TBL1XR1: variants seen among roughly 807,000 people sequenced by gnomAD.
The protein encoded by TBL1XR1 is TBL1X/Y related 1.
TBL1XR1 carries 5 observed loss-of-function variants against 66.9 expected under a neutral mutation model. The observed-to-expected ratio is 0.07, with a 90% CI of 0.04 to 0.16. TBL1XR1 has a LOEUF of 0.16. Among genes scored for constraint, TBL1XR1 ranks in the 10% least tolerant of loss-of-function variants. TBL1XR1 has a pLI of 1.00. For synonymous variants in TBL1XR1, 210 were observed against 206.0 expected, an observed-to-expected ratio of 1.02 and a Z score of -0.17; for missense variants, 238 against 623.2, an observed-to-expected ratio of 0.38 and a Z score of 6.58.
At chr3:177,149,009 AAAAG>A (rs372195565) in intron 1 of TBL1XR1, among the ~76,000 whole-genome samples, 1 of 57,676 alleles carries the variant, frequency 1.7e-5, no homozygotes, top group South Asian at 4.6e-4. Context: ...CCCTCAAAAA[AAAAG>A]AAAAGAAAAG....
intron 5 of TBL1XR1, among the ~76,000 whole-genome samples, chr3:177,050,881 A>T (rs1451504062): frequency 1.3e-5 from 2 of 152,036 alleles, no homozygotes; most frequent in East Asian, 3.9e-4. Context: ...CTAAACATGG[A>T]TAAAACGATA....
At chr3:177,028,348 G>A (rs1713452637) in intron 14 of TBL1XR1, among the ~76,000 whole-genome samples, 1 of 152,224 alleles carries the variant, frequency 6.6e-6, no homozygotes, top group Admixed American at 6.5e-5. Flanking sequence ...AATATGAACA[G>A]TTGGTCAAAT....
chr3:177,066,415 T>C (rs1719172810), intron 2 of TBL1XR1, among the ~76,000 whole-genome samples: 1 of 151,828 alleles, frequency 6.6e-6, no homozygotes, highest in Non-Finnish European at 1.5e-5. Flanking sequence ...AAAACAAGGG[T>C]GCTTGGGGAA....
chr3:177,024,907 A>G lies in TBL1XR1; in HGVS notation c.*591T>C, dbSNP rs1443053271. 1 of 152,612 alleles carries G rather than the reference A, an allele frequency of 6.6e-6. No individual in the cohort carries two copies. The highest frequency in any genetic ancestry group is 1.9e-4 in the East Asian group (1 of 5,198). 9.5% of individuals were successfully genotyped at this position (152,612 alleles called of 1,614,324 possible). ...AATGTACCAAACATCTACCTCTTCA[A>G]AAGAATGCATTAAAATATTTTAAAG... is the stretch of plus-strand genomic sequence containing the variant. On this transcript the variant is annotated 3_prime_UTR_variant, in exon 16 of 16. Transcript: ENST00000457928.
At chr3:177,115,912 T>C (rs1020007378) in intron 1 of TBL1XR1, among the ~76,000 whole-genome samples, 2 of 152,136 alleles carry the variant, frequency 1.3e-5, no homozygotes, top group African/African-American at 2.4e-5. Flanking sequence ...GAGGCAGCCA[T>C]ATTGATCAGT....
chr3:177,071,705 T>C (rs889978785), intron 2 of TBL1XR1, among the ~76,000 whole-genome samples: 14 of 152,180 alleles, frequency 9.2e-5, no homozygotes, highest in South Asian at 2.1e-4. Flanking sequence ...ACTCAGCTAA[T>C]AGATTGACAC....
intron 1 of TBL1XR1, among the ~76,000 whole-genome samples, chr3:177,193,460 G>A (rs760576783): frequency 3.3e-5 from 5 of 151,876 alleles, no homozygotes; most frequent in Admixed American, 6.6e-5. Flanking sequence ...ACAGGTACCC[G>A]CCACCACGCC....
intron 1 of TBL1XR1, among the ~76,000 whole-genome samples, chr3:177,149,539 T>G (rs1730639147): frequency 6.6e-6 from 1 of 152,218 alleles, no homozygotes; most frequent in Non-Finnish European, 1.5e-5. Context: ...TTAACTAATT[T>G]TGTATTATAC....
chr3:177,077,129 T>G (rs763645706), intron 2 of TBL1XR1, among the ~76,000 whole-genome samples: 13 of 152,190 alleles, frequency 8.5e-5, no homozygotes, highest in Non-Finnish European at 1.8e-4. Context: ...TGTAAACCAG[T>G]AAAACTGTCT....
At chr3:177,157,381 C>G (rs1457756533) in intron 1 of TBL1XR1, among the ~76,000 whole-genome samples, 1 of 152,184 alleles carries the variant, frequency 6.6e-6, no homozygotes, top group Non-Finnish European at 1.5e-5. Flanking sequence ...GTCATTAGTC[C>G]TATCACCCTC....
At chr3:177,104,926 C>A (rs996306279) in intron 1 of TBL1XR1, among the ~76,000 whole-genome samples, 2 of 152,148 alleles carry the variant, frequency 1.3e-5, no homozygotes, top group African/African-American at 4.8e-5. Context: ...AAGACAACAG[C>A]ACAAACTCTC....
At chr3:177,028,664 C>T (rs1045820814) in intron 14 of TBL1XR1, among the ~76,000 whole-genome samples, 8 of 152,094 alleles carry the variant, frequency 5.3e-5, no homozygotes, top group African/African-American at 1.7e-4. Flanking sequence ...AACTCAATAA[C>T]GATTTTCCCT....
intron 1 of TBL1XR1, among the ~76,000 whole-genome samples, chr3:177,114,706 T>C (rs1347832009): frequency 6.7e-6 from 1 of 150,212 alleles, no homozygotes; most frequent in Non-Finnish European, 1.5e-5. Context: ...CCAGATACGG[T>C]AGCTCACACC....
chr3:177,155,781 G>A (rs1175504219), intron 1 of TBL1XR1, among the ~76,000 whole-genome samples: 1 of 152,134 alleles, frequency 6.6e-6, no homozygotes, highest in East Asian at 1.9e-4. Context: ...TCCGGGAAGA[G>A]GGCGGATCCC....
intron 1 of TBL1XR1, among the ~76,000 whole-genome samples, chr3:177,174,408 C>CAAAAA (rs59132617): frequency 8.1e-4 from 47 of 58,238 alleles, no homozygotes; most frequent in African/African-American, 2.5e-3. Flanking sequence ...GACTCCATCT[C>CAAAAA]AAAAAAAAAA....
intron 1 of TBL1XR1, among the ~76,000 whole-genome samples, chr3:177,152,352 G>A (rs1730991830): frequency 1.3e-5 from 2 of 151,730 alleles, no homozygotes; most frequent in Admixed American, 1.3e-4. Flanking sequence ...TCTTCCTATT[G>A]TTGCCCAGGC....
intron 14 of TBL1XR1, 114 bp from the exon 15 acceptor site, chr3:177,026,588 G>T: frequency 2.9e-6 from 2 of 688,352 alleles, no homozygotes; most frequent in Non-Finnish European, 4.5e-6. Flanking sequence ...GAGGGACTTA[G>T]CTTCAACTAT....
intron 1 of TBL1XR1, among the ~76,000 whole-genome samples, chr3:177,123,051 TGA>T (rs1727174093): frequency 6.6e-6 from 1 of 152,098 alleles, no homozygotes. Flanking sequence ...ATCTTTTAAT[TGA>T]GAGGAGGGGA....
intron 12 of TBL1XR1, among the ~76,000 whole-genome samples, chr3:177,034,961 A>G (rs1029316912): frequency 2.6e-5 from 4 of 152,124 alleles, no homozygotes; most frequent in African/African-American, 7.2e-5. Flanking sequence ...AAATCACTCA[A>G]TAAAGACATG....
Sources: allele counts gnomAD v4.1 joint callset (sites outside exome capture counted in the v4.1 genomes callset), GRCh38; gene constraint gnomAD v4.1.1; transcripts MANE v1.5; gene names NCBI Gene and HGNC (gene_info 2026-07-23, HGNC 2026-07-21).